SPICE1: variants seen among roughly 807,000 people sequenced by gnomAD.
SPICE1 encodes the protein spindle and centriole associated protein 1.
SPICE1 carries 75 observed loss-of-function variants against 102.7 expected under a neutral mutation model. The ratio of observed to expected loss-of-function variants is 0.73; its 90% CI spans 0.61 to 0.88. SPICE1 has a LOEUF of 0.88. Among genes scored for constraint, SPICE1 ranks in the 40% least tolerant of loss-of-function variants. The pLI is 0.00. For synonymous variants in SPICE1, 308 were observed against 350.3 expected (o/e 0.88, Z 1.35); for missense variants, 979 against 1,020.1 (o/e 0.96, Z 0.55).
chr3:113,500,437 G>T (rs1384400454), intron 3 of SPICE1, among the ~76,000 whole-genome samples: 1 of 151,916 alleles, frequency 6.6e-6, no homozygotes, highest in Non-Finnish European at 1.5e-5. Context: ...GAGGAGATTT[G>T]AATATGGGCT....
In SPICE1 at chr3:113,499,547, TC is replaced by T. The variant is rs1559975277; in HGVS notation, c.182del (p.Arg61LysfsTer3). ...RRHEIHKSKN[R>X]ALVHWELQEK... Reference sequence around the variant, plus strand: ...CTTGGAGTTCCCAGTGTACTAATGCTCTATTCTTCGATTTGTGTATTTCATG... The same window carrying T: ...CTTGGAGTTCCCAGTGTACTAATGCTTATTCTTCGATTTGTGTATTTCATG... On this transcript the variant is annotated frameshift_variant, in exon 4 of 18. Transcript: ENST00000295872. LOFTEE classifies it high-confidence loss of function. 6.2e-7 allele frequency: 1 copy of T among 1,611,920 alleles called. No individual in the cohort carries two copies. Among genetic ancestry groups the T allele is most frequent in the South Asian group, 1.1e-5 (1 of 90,714 alleles).
At chr3:113,471,138 CT>C (rs59563401) in intron 7 of SPICE1, among the ~76,000 whole-genome samples, 6,532 of 152,090 alleles carry the variant, frequency 0.043, 165 homozygotes, top group East Asian at 0.1. Context: ...CCATGGTAGG[CT>C]AAATAATAAT....
At chr3:113,492,137 T>G (rs1936780990) in intron 6 of SPICE1, among the ~76,000 whole-genome samples, 1 of 152,220 alleles carries the variant, frequency 6.6e-6, no homozygotes, top group Non-Finnish European at 1.5e-5. Context: ...GAAAGCTAAC[T>G]TCTCATTAAG....
In SPICE1 at chr3:113,459,887, G is replaced by C. The variant is rs369544007; in HGVS notation, c.1435+730C>G. On this transcript the variant is annotated intron_variant, in intron 12 of 17. Transcript: ENST00000295872. ...ACAGAGCGAAACTCCATCTCAAAAA[G>C]AAAAAAAAAAAAAAAATAGCAAGAC... The C allele has an allele frequency of 2.7e-5, 15 of 547,508 alleles. No homozygotes were observed. The African/African-American group carries it at 3.6e-4, about 13-fold the overall frequency. 33.9% of individuals were successfully genotyped at this position (547,508 alleles called of 1,614,324 possible).
intron 3 of SPICE1, among the ~76,000 whole-genome samples, chr3:113,500,141 T>C (rs1475657157): frequency 6.6e-6 from 1 of 151,958 alleles, no homozygotes; most frequent in African/African-American, 2.4e-5. Context: ...GGAAATAGAG[T>C]TCCTGAAGTA....
At chr3:113,458,281 T>G (rs1030862291) in intron 12 of SPICE1, among the ~76,000 whole-genome samples, 1 of 152,150 alleles carries the variant, frequency 6.6e-6, no homozygotes, top group Non-Finnish European at 1.5e-5. Flanking sequence ...TGGACTGTAC[T>G]GCCGCCATCT....
At chr3:113,494,470 A>AC (rs1936834764) in intron 4 of SPICE1, among the ~76,000 whole-genome samples, 1 of 151,792 alleles carries the variant, frequency 6.6e-6, no homozygotes, top group African/African-American at 2.4e-5. Context: ...AAACGGTGAA[A>AC]CCCCGTCTCT....
At chr3:113,511,445 T>C (rs1937219178) in intron 1 of SPICE1, among the ~76,000 whole-genome samples, 1 of 152,192 alleles carries the variant, frequency 6.6e-6, no homozygotes, top group South Asian at 2.1e-4. Context: ...AGGAATGAGA[T>C]CATGTCCTTT....
Position 113,503,094 on chromosome 3 carries a change from T to G in SPICE1, c.147+86A>C, listed in dbSNP as rs1576649011. 3.7e-6 allele frequency: 5 copies of G among 1,353,128 alleles called. No individual in the cohort carries two copies. In the East Asian group the frequency reaches 1.2e-4, roughly 32 times the overall value. 83.8% of individuals were successfully genotyped at this position (1,353,128 alleles called of 1,614,324 possible). A position where few individuals can be genotyped will look rare whatever the true frequency, so the allele number is the denominator to read the frequency against. Reference sequence around the variant, plus strand: ...ACATAACTGAACAACTTCCAGGAAGTGCCTATAGTTTCTATTCTAAAGGTT... The same window carrying G: ...ACATAACTGAACAACTTCCAGGAAGGGCCTATAGTTTCTATTCTAAAGGTT... On this transcript the variant is annotated intron_variant, in intron 3 of 17. Transcript: ENST00000295872.
intron 7 of SPICE1, 43 bp downstream of exon 7, chr3:113,488,901 GA>G (rs776127729): frequency 6.7e-6 from 8 of 1,194,700 alleles, no homozygotes; most frequent in Non-Finnish European, 9.7e-6. Flanking sequence ...AATGGCCATG[GA>G]AAAAACCTGA....
rs549196113 is a variant in SPICE1 at position 113,476,256 on chromosome 3, T to A, written c.612-7018A>T. ...TGTGAAGGACCTCTTCAAGGAGAACTACAAACCACTGCTGAATGAAATAAA... is the reference window on the plus strand; with the variant it reads ...TGTGAAGGACCTCTTCAAGGAGAACAACAAACCACTGCTGAATGAAATAAA... On this transcript the variant is annotated intron_variant, in intron 7 of 17. Coordinates refer to ENST00000295872, the MANE Select transcript of SPICE1 (RefSeq NM_144718.4). Among the ~76,000 whole-genome samples the A allele has an allele frequency of 4.4e-4, 67 of 150,888 alleles. 1 individual carries two copies. The highest frequency in any genetic ancestry group is 1.6e-3 in the African/African-American group (66 of 40,326).
In SPICE1 at chr3:113,457,165, C is replaced by T. The variant is rs752210122; in HGVS notation, c.1628G>A (p.Ser543Asn). The T allele has an allele frequency of 1.2e-5, 20 of 1,614,120 alleles. No homozygotes were observed. The highest frequency in any genetic ancestry group is 1.7e-5 in the Non-Finnish European group (20 of 1,180,016). The stretch of plus-strand genomic sequence containing the variant: ...CTGAAGAGGAGAGAATTTTAAGTTG[C>T]TCTTCTGCCTGGGTGGTGTTAACAA... Reference protein sequence around the residue: ...AVLLTPPRQKSNLKFSPLQDV... With the variant: ...AVLLTPPRQKNNLKFSPLQDV... The change falls in exon 13 of 18, where the codon AGC becomes AAC. Residue 543 changes from serine (S) to asparagine (N), a missense_variant. By Grantham distance (46) the Ser-to-Asn change is conservative. Coordinates refer to ENST00000295872, the MANE Select transcript of SPICE1 (RefSeq NM_144718.4).
At chr3:113,489,377 G>A (rs3928555) in intron 6 of SPICE1, among the ~76,000 whole-genome samples, 1 of 151,962 alleles carries the variant, frequency 6.6e-6, no homozygotes, top group Non-Finnish European at 1.5e-5. Flanking sequence ...CTTCTTGAAA[G>A]AGTTGTTCCA....
chr3:113,471,300 T>C (rs1936191409), intron 7 of SPICE1, among the ~76,000 whole-genome samples: 1 of 152,150 alleles, frequency 6.6e-6, no homozygotes, highest in South Asian at 2.1e-4. Context: ...TCACATATTT[T>C]TTAAAAAAAA....
intron 1 of SPICE1, among the ~76,000 whole-genome samples, chr3:113,512,259 A>G (rs1235021908): frequency 1.3e-5 from 2 of 152,208 alleles, no homozygotes; most frequent in Non-Finnish European, 2.9e-5. Context: ...GGTATAGTTA[A>G]GCTGCTATCC....
At chr3:113,448,262 C>T in intron 15 of SPICE1, 122 bp from the exon 16 acceptor site, 1 of 829,758 alleles carries the variant, frequency 1.2e-6, no homozygotes. Flanking sequence ...CTGTTTTAAT[C>T]TTAGCCCAAG....
At chr3:113,471,286 G>A (rs989895896) in intron 7 of SPICE1, among the ~76,000 whole-genome samples, 1 of 152,044 alleles carries the variant, frequency 6.6e-6, no homozygotes, top group African/African-American at 2.4e-5. Context: ...GGCCCTAAAT[G>A]CAATCACATA....
intron 7 of SPICE1, 125 bp downstream of exon 7, chr3:113,488,820 C>T (rs1936700996): frequency 1.6e-6 from 1 of 607,676 alleles, no homozygotes; most frequent in Non-Finnish European, 2.9e-6. Flanking sequence ...TTGGAAATAC[C>T]AAAATAAACA....
rs558617802 is a variant in SPICE1 at position 113,492,685 on chromosome 3, A to C, written c.492+521T>G. ...CTTTTCGCACCTGATCCATGCAACAATGATATCAGGTACATTCTAGTCCCA... is the reference window on the plus strand; with the variant it reads ...CTTTTCGCACCTGATCCATGCAACACTGATATCAGGTACATTCTAGTCCCA... On this transcript the variant is annotated intron_variant, in intron 6 of 17. Transcript: ENST00000295872. 5.9e-5 allele frequency among the ~76,000 whole-genome samples: 9 copies of C among 152,300 alleles called. No homozygotes were observed. In the East Asian group the frequency reaches 1.7e-3, roughly 29 times the overall value.
Sources: gnomAD v4.1 joint callset for allele counts (sites outside exome capture counted in the v4.1 genomes callset) on GRCh38, gnomAD v4.1.1 for gene constraint, MANE v1.5 for transcripts, NCBI Gene and HGNC (gene_info 2026-07-23, HGNC 2026-07-21) for gene names.